SOX5: variants seen among roughly 807,000 people sequenced by gnomAD.
The protein encoded by SOX5 is transcription factor SOX-5.
Under a neutral mutation model 92.0 loss-of-function variants are expected in SOX5, and 9 were observed. That is an observed-to-expected ratio of 0.10 (90% CI 0.06 to 0.17). The LOEUF is 0.17. Among genes scored for constraint, SOX5 ranks in the 10% least tolerant of loss-of-function variants. SOX5 has a pLI of 1.00. For synonymous variants in SOX5, 344 were observed against 336.3 expected (o/e 1.02, Z -0.25); for missense variants, 642 against 944.5 (o/e 0.68, Z 4.20).
intron 1 of SOX5, among the ~76,000 whole-genome samples, chr12:24,555,037 C>T (rs998607086): frequency 5.3e-5 from 8 of 152,248 alleles, no homozygotes; most frequent in African/African-American, 1.7e-4. Context: ...CGAAGGACTG[C>T]TCATGGCAGT....
intron 3 of SOX5, among the ~76,000 whole-genome samples, chr12:23,823,781 A>C (rs753545299): frequency 2.0e-5 from 3 of 152,172 alleles, no homozygotes; most frequent in Non-Finnish European, 2.9e-5. Flanking sequence ...TCTTTCACAT[A>C]GTCCCATATT....
At chr12:24,026,105 T>C (rs188276658) in intron 4 of SOX5, among the ~76,000 whole-genome samples, 1 of 152,194 alleles carries the variant, frequency 6.6e-6, no homozygotes, top group East Asian at 1.9e-4. Context: ...TACCTCATGA[T>C]GCTTAAAGTA....
At chr12:23,919,184 C>T (rs1324292269) in intron 1 of SOX5, among the ~76,000 whole-genome samples, 1 of 151,992 alleles carries the variant, frequency 6.6e-6, no homozygotes, top group East Asian at 1.9e-4. Flanking sequence ...GAGCATGTGC[C>T]CCAACTAGAA....
At chr12:23,902,101 G>A (rs981992723) in intron 1 of SOX5, among the ~76,000 whole-genome samples, 3 of 151,972 alleles carry the variant, frequency 2.0e-5, no homozygotes, top group Non-Finnish European at 2.9e-5. Context: ...GCACTACATA[G>A]TCAACTACTA....
At chr12:24,300,555 A>G (rs758331430) in intron 2 of SOX5, among the ~76,000 whole-genome samples, 1 of 152,234 alleles carries the variant, frequency 6.6e-6, no homozygotes. Context: ...TAAAGATCCT[A>G]TAGCATTATG....
At chr12:24,124,751 A>T (rs922269122) in intron 4 of SOX5, among the ~76,000 whole-genome samples, 2 of 152,198 alleles carry the variant, frequency 1.3e-5, no homozygotes, top group Non-Finnish European at 2.9e-5. Context: ...TTTCTCAAAG[A>T]TAGCCACTAT....
intron 2 of SOX5, among the ~76,000 whole-genome samples, chr12:23,871,993 C>T (rs964761467): frequency 6.8e-4 from 96 of 141,394 alleles, no homozygotes; most frequent in African/African-American, 2.4e-3. Context: ...TACATTTATT[C>T]TTTTTTTTTT....
chr12:23,604,662 T>C (rs1425003485), intron 8 of SOX5, 129 bp from the exon 9 acceptor site: 11 of 818,130 alleles, frequency 1.3e-5, no homozygotes, highest in Non-Finnish European at 1.9e-5. Flanking sequence ...CACTGGAATA[T>C]TTAAAGAAAG....
At chr12:24,106,828 AATAATAATAAT>A (rs869084553) in intron 4 of SOX5, among the ~76,000 whole-genome samples, 2 of 145,006 alleles carry the variant, frequency 1.4e-5, no homozygotes, top group East Asian at 3.9e-4. Flanking sequence ...TAATAATAAT[AATAATAATAAT>A]AAATAGAAGC....
chr12:24,176,983 T>G (rs12826152), intron 4 of SOX5, among the ~76,000 whole-genome samples: 14 of 148,308 alleles, frequency 9.4e-5, no homozygotes, highest in Non-Finnish European at 1.4e-4. Context: ...TTTTGTTTTT[T>G]TTTTTTTTTT....
chr12:24,134,962 T>C (rs901745052), intron 4 of SOX5, among the ~76,000 whole-genome samples: 8 of 152,182 alleles, frequency 5.3e-5, no homozygotes, highest in Admixed American at 3.3e-4. Flanking sequence ...AGTTAAAATC[T>C]GTCCTGGACT....
In SOX5 at chr12:23,932,965, T is replaced by G. The variant is rs546720002; in HGVS notation, c.38+16599A>C. ...TTCTCATATTGATAAAATGATAAAT[T>G]GTAAAATGTCCTTCTTATTCCCTAC... is the stretch of plus-strand genomic sequence containing the variant. On this transcript the variant is annotated intron_variant, in intron 1 of 14. Coordinates refer to ENST00000451604, the MANE Select transcript of SOX5 (RefSeq NM_006940.6). 1.3e-4 allele frequency among the ~76,000 whole-genome samples: 19 copies of G among 151,754 alleles called. No homozygotes were observed. In the East Asian group the frequency reaches 3.5e-3, roughly 28 times the overall value.
At chr12:23,588,166 G>C (rs2418137) in intron 9 of SOX5, among the ~76,000 whole-genome samples, 93,618 of 151,764 alleles carry the variant, frequency 0.62, 29,010 homozygotes, top group Admixed American at 0.71. Flanking sequence ...ACATATTAAA[G>C]ATGCTTAGCT....
intron 6 of SOX5, among the ~76,000 whole-genome samples, chr12:23,698,489 T>C (rs2090187154): frequency 6.6e-6 from 1 of 152,192 alleles, no homozygotes; most frequent in Non-Finnish European, 1.5e-5. Flanking sequence ...ATCTCTGATA[T>C]TGTACATTTT....
chr12:24,041,119 G>T (rs1420968654), intron 4 of SOX5, among the ~76,000 whole-genome samples: 1 of 152,156 alleles, frequency 6.6e-6, no homozygotes, highest in Non-Finnish European at 1.5e-5. Context: ...GAAAACTGAT[G>T]TAGCTGCAAA....
chr12:23,594,862 C>T (rs1422007025), intron 9 of SOX5, among the ~76,000 whole-genome samples: 2 of 152,100 alleles, frequency 1.3e-5, no homozygotes, highest in African/African-American at 4.8e-5. Context: ...ACTTTCCCTC[C>T]TGTTTAGAAT....
chr12:24,243,144 G>C (rs747996595), intron 3 of SOX5, among the ~76,000 whole-genome samples: 9 of 152,080 alleles, frequency 5.9e-5, no homozygotes, highest in Non-Finnish European at 8.8e-5. Flanking sequence ...ATCAGAAGAA[G>C]GTAACAAGAA....
chr12:23,556,418 G>C (rs1309183406), intron 11 of SOX5, among the ~76,000 whole-genome samples: 1 of 151,888 alleles, frequency 6.6e-6, no homozygotes, highest in East Asian at 1.9e-4. Context: ...AATAATATAC[G>C]CTCACTTTAA....
intron 6 of SOX5, among the ~76,000 whole-genome samples, chr12:23,706,181 G>C (rs950611221): frequency 6.6e-6 from 1 of 151,936 alleles, no homozygotes; most frequent in African/African-American, 2.4e-5. Context: ...ATGGCAAAGA[G>C]GGGGGAGAAA....
Sources: allele counts gnomAD v4.1 joint callset (sites outside exome capture counted in the v4.1 genomes callset), GRCh38; gene constraint gnomAD v4.1.1; transcripts MANE v1.5; gene names NCBI Gene and HGNC (gene_info 2026-07-23, HGNC 2026-07-21).